NEBL: variants seen among roughly 807,000 people sequenced by gnomAD.
NEBL encodes the protein LIM and SH3 protein 2.
Under a neutral mutation model 140.2 loss-of-function variants are expected in NEBL, and 122 were observed. The observed-to-expected ratio is 0.87, with a 90% confidence interval of 0.75 to 1.01. The LOEUF is 1.01. Among genes scored for constraint, NEBL ranks in the 50% least tolerant of loss-of-function variants. NEBL has a pLI of 0.00. For missense variants in NEBL, 1,365 were observed against 1,231.3 expected, an observed-to-expected ratio of 1.11 and a Z score of -1.62; for synonymous variants, 436 against 398.9, an observed-to-expected ratio of 1.09 and a Z score of -1.11.
At chr10:20,943,731 G>A (rs1365070003) in intron 4 of NEBL, among the ~76,000 whole-genome samples, 4 of 152,132 alleles carry the variant, frequency 2.6e-5, no homozygotes, top group African/African-American at 4.8e-5. Context: ...TCAAGTCCTC[G>A]ATTCCTTACA....
At chr10:21,177,020 G>A (rs1841311555), upstream of NEBL, among the ~76,000 whole-genome samples, 1 of 152,186 alleles carries the variant, frequency 6.6e-6, no homozygotes, top group Non-Finnish European at 1.5e-5. Flanking sequence ...TACCAGTTTG[G>A]ATGCAGAGTG....
At chr10:21,081,108 A>G (rs1836349314) in intron 2 of NEBL, among the ~76,000 whole-genome samples, 4 of 151,702 alleles carry the variant, frequency 2.6e-5, no homozygotes, top group Admixed American at 2.6e-4. Flanking sequence ...ACCCACCTCG[A>G]CCTCCCAAAG....
At chr10:21,011,928 C>T (rs1838356661) in intron 3 of NEBL, among the ~76,000 whole-genome samples, 1 of 152,232 alleles carries the variant, frequency 6.6e-6, no homozygotes, top group Non-Finnish European at 1.5e-5. Context: ...GCCTTCCACA[C>T]TATGGGAGAG....
chr10:20,896,828 T>G lies in NEBL; in HGVS notation c.153+130A>C, dbSNP rs1264421642. 2.5e-5 allele frequency: 22 copies of G among 864,472 alleles called. No individual in the cohort carries two copies. The Admixed American group carries it at 3.8e-4, about 15-fold the overall frequency. The allele number at this position is 864,472 out of a possible 1,614,324, so 53.6% of individuals were successfully genotyped here. A position where few individuals can be genotyped will look rare whatever the true frequency, so the allele number is the denominator to read the frequency against. ...ATCACTGAAAATTTCAGGACTTTGT[T>G]CCATGATCTGGAAAGTGACTGTGTT... On this transcript the variant is annotated intron_variant, in intron 2 of 27. Coordinates refer to ENST00000377122, the MANE Select transcript of NEBL (RefSeq NM_006393.3).
chr10:20,919,225 A>G (rs1198708574), intron 4 of NEBL, among the ~76,000 whole-genome samples: 3 of 152,222 alleles, frequency 2.0e-5, no homozygotes, highest in African/African-American at 2.4e-5. Context: ...AGAAAATTAT[A>G]TACTTTTTAG....
chr10:20,896,533 G>A (rs1259540542), intron 2 of NEBL, among the ~76,000 whole-genome samples: 1 of 101,902 alleles, frequency 9.8e-6, no homozygotes, highest in African/African-American at 3.7e-5. Context: ...TTCCTGTTCT[G>A]GAAGACAAGT....
intron 2 of NEBL, among the ~76,000 whole-genome samples, chr10:21,168,847 G>C (rs1326186588): frequency 6.6e-6 from 1 of 151,072 alleles, no homozygotes; most frequent in Non-Finnish European, 1.5e-5. Context: ...AGGAGATCGA[G>C]ACCATCCTAG....
intron 1 of NEBL, among the ~76,000 whole-genome samples, chr10:21,261,921 C>T (rs965986691): frequency 6.6e-6 from 1 of 152,108 alleles, no homozygotes; most frequent in African/African-American, 2.4e-5. Context: ...CCAGCAGCAG[C>T]CGCCTGGAGA....
chr10:21,238,053 G>A (rs1350022536), intron 3 of NEBL, among the ~76,000 whole-genome samples: 2 of 152,308 alleles, frequency 1.3e-5, no homozygotes, highest in East Asian at 1.9e-4. Flanking sequence ...CCTGGAACAC[G>A]GAGAGCTCTT....
intron 9 of NEBL, among the ~76,000 whole-genome samples, chr10:20,854,310 G>T (rs1468770763): frequency 6.6e-6 from 1 of 151,988 alleles, no homozygotes; most frequent in Non-Finnish European, 1.5e-5. Context: ...TTGATCTTAG[G>T]GGATACTCCA....
At chr10:21,023,484 A>C (rs1769018716) in intron 2 of NEBL, among the ~76,000 whole-genome samples, 1 of 152,180 alleles carries the variant, frequency 6.6e-6, no homozygotes, top group African/African-American at 2.4e-5. Context: ...ACTTGAGGTC[A>C]GGAGTTCGAG....
rs11345784 is a variant in NEBL, at chr10:21,074,483, C to CT, written c.165-54283dup. On this transcript the variant is annotated intron_variant, in intron 2 of 6. Coordinates refer to the NEBL transcript ENST00000417816. ...ATTGAACTTCTTTCTGAATTTTTTT[C>CT]TTTTTTTTTTTTTTGAGTCAGAGTC... 3.6e-3 allele frequency among the ~76,000 whole-genome samples: 509 copies of CT among 142,486 alleles called. 1 individual carries two copies. Among genetic ancestry groups the CT allele is most frequent in the East Asian group, 3.1e-3 (15 of 4,874 alleles). The allele number at this position is 142,486 out of a possible 152,430, so 93.5% of individuals were successfully genotyped here. A position where few individuals can be genotyped will look rare whatever the true frequency, so the allele number is the denominator to read the frequency against.
At chr10:20,974,115 C>T (rs924557395) in intron 3 of NEBL, among the ~76,000 whole-genome samples, 4 of 152,162 alleles carry the variant, frequency 2.6e-5, no homozygotes, top group African/African-American at 7.2e-5. Context: ...ACCAGCATTG[C>T]CATCTGTGAA....
intron 3 of NEBL, among the ~76,000 whole-genome samples, chr10:21,186,661 CTTT>C (rs763064801): frequency 2.1e-5 from 3 of 140,912 alleles, no homozygotes; most frequent in Non-Finnish European, 1.6e-5. Flanking sequence ...TTGTTTGCGA[CTTT>C]TTTTTTTTTT....
At chr10:21,194,584 C>A (rs546411681) in intron 3 of NEBL, among the ~76,000 whole-genome samples, 6 of 152,048 alleles carry the variant, frequency 3.9e-5, no homozygotes, top group Admixed American at 1.3e-4. Flanking sequence ...GGGAAGGGCA[C>A]CTTTTTCTAA....
At chr10:21,278,787 C>A (rs1842955343) in intron 1 of NEBL, among the ~76,000 whole-genome samples, 1 of 152,080 alleles carries the variant, frequency 6.6e-6, no homozygotes, top group South Asian at 2.1e-4. Context: ...GAGATCTGCC[C>A]CTGAGTTACA....
chr10:20,803,273 CAAAG>C (rs1837292985), intron 26 of NEBL, among the ~76,000 whole-genome samples: 1 of 152,072 alleles, frequency 6.6e-6, no homozygotes, highest in Admixed American at 6.6e-5. Flanking sequence ...GTTCCCAATA[CAAAG>C]AAATGATAAA....
Position 20,795,157 on chromosome 10 carries a change from A to C in NEBL, c.2762-7849T>G, listed in dbSNP as rs117907337. On this transcript the variant is annotated intron_variant, in intron 26 of 27. Coordinates refer to ENST00000377122, the MANE Select transcript of NEBL (RefSeq NM_006393.3). ...TACTATGGCATGTTGAGCAGAGAAGATTCTAGGAGTAAGAAGACTGGATCT... is the reference window on the plus strand; with the variant it reads ...TACTATGGCATGTTGAGCAGAGAAGCTTCTAGGAGTAAGAAGACTGGATCT... Among the ~76,000 whole-genome samples the C allele has an allele frequency of 6.7e-3, 1,023 of 152,306 alleles. 16 individuals are homozygous for C. Among genetic ancestry groups the C allele is most frequent in the East Asian group, 0.064 (332 of 5,176 alleles).
At chr10:20,934,844 T>C (rs965895184) in intron 4 of NEBL, among the ~76,000 whole-genome samples, 1 of 152,194 alleles carries the variant, frequency 6.6e-6, no homozygotes, top group African/African-American at 2.4e-5. Context: ...ACCTACTATT[T>C]CATTAACAGA....
Sources: gnomAD v4.1 joint callset for allele counts (sites outside exome capture counted in the v4.1 genomes callset) on GRCh38, gnomAD v4.1.1 for gene constraint, MANE v1.5 for transcripts, NCBI Gene and HGNC (gene_info 2026-07-23, HGNC 2026-07-21) for gene names.